Variants in USP16 observed in about 807,000 individuals in gnomAD.
The protein encoded by USP16 is ubiquitin carboxyl-terminal hydrolase 16.
A neutral mutation model predicts 95.9 loss-of-function variants in USP16; 77 were observed. The observed-to-expected ratio is 0.80, with a 90% CI of 0.67 to 0.97. The LOEUF is 0.97. Ranked by LOEUF, USP16 falls within the 50% of genes least tolerant of loss-of-function variation. The probability of loss-of-function intolerance (pLI) is 0.00; values close to 1 mark genes in which losing one functional copy is unlikely to be tolerated. For missense variants in USP16, 943 were observed against 959.9 expected (o/e 0.98, Z 0.23); for synonymous variants, 303 against 318.2 (o/e 0.95, Z 0.51).
At chr21:29,048,284 C>T (rs543369683) in intron 14 of USP16, among the ~76,000 whole-genome samples, 2 of 151,962 alleles carry the variant, frequency 1.3e-5, no homozygotes, top group South Asian at 4.2e-4. Context: ...GGTTTCGCCA[C>T]GTTGGCCAGG....
intron 3 of USP16, 132 bp from the exon 4 acceptor site, chr21:29,034,705 C>CT: frequency 1.3e-6 from 1 of 787,396 alleles, no homozygotes. Flanking sequence ...ATTCTAGAGT[C>CT]TAACATTTTC....
Position 29,047,018 on chromosome 21 carries a change from G to A in USP16, c.1708G>A (p.Val570Met), listed in dbSNP as rs1406113453. The change falls in exon 14 of 18, where the codon GTG becomes ATG. Residue 570 changes from valine to methionine, a missense_variant. Val to Met is a conservative substitution (Grantham distance 21, BLOSUM62 1). Transcript: ENST00000399976. ...CCTAACGGAAGGGAGCAATGGAGAA[G>A]TGGACATTTCCAATGGTTTCAAAAA... The part of the protein sequence containing the change: ...AYLTEGSNGE[V>M]DISNGFKNLN... 1 of 1,614,116 alleles carries A rather than the reference G, an allele frequency of 6.2e-7. No individual in the cohort carries two copies. Among genetic ancestry groups the A allele is most frequent in the East Asian group, 2.2e-5 (1 of 44,874 alleles).
rs773496827 is a variant in USP16 at position 29,040,602 on chromosome 21, C to G, written c.952-7C>G. On this transcript the variant is annotated splice_region_variant and splice_polypyrimidine_tract_variant and intron_variant, in intron 9 of 17. Coordinates refer to ENST00000399976, the MANE Select transcript of USP16 (RefSeq NM_006447.3). Reference sequence around the variant, plus strand: ...TAGTATATATATATCCATTTTATTACTTTTAGAGAGTGAGTAAAGGAATAC... The same window carrying G: ...TAGTATATATATATCCATTTTATTAGTTTTAGAGAGTGAGTAAAGGAATAC... 2 of 1,416,558 alleles carry G rather than the reference C, an allele frequency of 1.4e-6. No individual in the cohort carries two copies. Among genetic ancestry groups the G allele is most frequent in the Non-Finnish European group, 1.9e-6 (2 of 1,029,830 alleles). 87.7% of individuals were successfully genotyped at this position (1,416,558 alleles called of 1,614,324 possible).
chr21:29,053,708 T>C (rs2085451121), intron 16 of USP16, 94 bp from the exon 17 acceptor site: 2 of 1,310,858 alleles, frequency 1.5e-6, no homozygotes, highest in African/African-American at 1.5e-5. Context: ...AAAGTAATGG[T>C]TAAAGACCCT....
At chr21:29,049,010 G>GGC (rs1452492250) in intron 15 of USP16, among the ~76,000 whole-genome samples, 155 bp downstream of exon 15, 5 of 152,058 alleles carry the variant, frequency 3.3e-5, no homozygotes, top group Non-Finnish European at 7.4e-5. Context: ...AAAACATAGG[G>GGC]GCTAGGCAGA....
At chr21:29,030,553 T>G (rs775138607) in intron 2 of USP16, 42 bp from the exon 3 acceptor site, 1 of 1,459,840 alleles carries the variant, frequency 6.9e-7, no homozygotes, top group Non-Finnish European at 9.1e-7. Flanking sequence ...AGAAAGTCAT[T>G]TTTGACCTTA....
Position 29,047,285 on chromosome 21 carries a change from C to G in USP16, c.1975C>G (p.Arg659Gly). 1 of 1,613,576 alleles carries G rather than the reference C, an allele frequency of 6.2e-7. No homozygotes were observed. Residue 659 changes from arginine to glycine, a missense_variant, in exon 14 of 18, where the codon CGG (arginine) becomes GGG (glycine). By Grantham distance (125) the Arg-to-Gly change is moderately radical. Coordinates refer to ENST00000399976, the MANE Select transcript of USP16 (RefSeq NM_006447.3). Reference protein sequence around the residue: ...ANKLLCEVCTRRQCNGPKANI... With the variant: ...ANKLLCEVCTGRQCNGPKANI... ...TAAACTGCTTTGTGAAGTATGCACACGGAGACAGTGTAATGGACCAAAGGC... is the reference window on the plus strand; with the variant it reads ...TAAACTGCTTTGTGAAGTATGCACAGGGAGACAGTGTAATGGACCAAAGGC...
Position 29,034,954 on chromosome 21 carries a change from C to T in USP16, c.344+14C>T. The T allele has an allele frequency of 3.1e-6, 5 of 1,597,878 alleles. No individual in the cohort carries two copies. The highest frequency in any genetic ancestry group is 4.3e-6 in the Non-Finnish European group (5 of 1,166,562). ...CTGGAGTGTATGGTGAGTTTCAGTT[C>T]CTCTGCCTCTTGGGTGGAAATTATT... is the stretch of plus-strand genomic sequence containing the variant. On this transcript the variant is annotated intron_variant, in intron 4 of 17. Coordinates refer to ENST00000399976, the MANE Select transcript of USP16 (RefSeq NM_006447.3).
intron 3 of USP16, 134 bp from the exon 4 acceptor site, chr21:29,034,703 G>A: frequency 1.3e-6 from 1 of 770,052 alleles, no homozygotes. Context: ...TGATTCTAGA[G>A]TCTAACATTT....
intron 6 of USP16, among the ~76,000 whole-genome samples, chr21:29,037,707 T>C (rs1286984003): frequency 6.8e-6 from 1 of 147,738 alleles, no homozygotes; most frequent in African/African-American, 2.5e-5. Context: ...TACCTTAGCC[T>C]CCAGAGTAGC....
At chr21:29,047,399 T>C (rs1287681398) in intron 14 of USP16, 78 bp downstream of exon 14, 1 of 1,432,484 alleles carries the variant, frequency 7.0e-7, no homozygotes, top group African/African-American at 1.4e-5. Flanking sequence ...GTACTCCTAA[T>C]TGTATCAGGA....
At chr21:29,038,301 A>G in intron 6 of USP16, 34 bp from the exon 7 acceptor site, 1 of 1,477,446 alleles carries the variant, frequency 6.8e-7, no homozygotes, top group Non-Finnish European at 9.4e-7. Flanking sequence ...GCCTTTAAAT[A>G]ATTTTTCTCT....
rs1230664153 is a variant in USP16 at position 29,038,794 on chromosome 21, A to G, written c.733-232A>G. On this transcript the variant is annotated intron_variant, in intron 7 of 17. Transcript: ENST00000399976. ...TTTACATTTTGCTTTGGCTCTTTCA[A>G]TTCTTAGGTAGTAAGTGTTCCAGAT... Among the ~76,000 whole-genome samples the G allele has an allele frequency of 2.6e-5, 4 of 152,208 alleles. No homozygotes were observed. The East Asian group carries it at 5.8e-4, about 22-fold the overall frequency.
At chr21:29,031,360 T>G (rs947664123) in intron 3 of USP16, among the ~76,000 whole-genome samples, 1 of 152,196 alleles carries the variant, frequency 6.6e-6, no homozygotes, top group Non-Finnish European at 1.5e-5. Flanking sequence ...TGGTGGCAAG[T>G]TAAGCTTATA....
chr21:29,028,061 TTGTTA>T, intron 2 of USP16, 87 bp downstream of exon 2: 1 of 976,652 alleles, frequency 1.0e-6, no homozygotes. Context: ...CTGCATATTA[TTGTTA>T]TATTATCTGC....
chr21:29,042,694 A>G, intron 12 of USP16, 166 bp downstream of exon 12: 1 of 545,290 alleles, frequency 1.8e-6, no homozygotes, highest in Non-Finnish European at 3.1e-6. Context: ...GAACAGGGTA[A>G]CTACTTTAAA....
intron 2 of USP16, 45 bp from the exon 3 acceptor site, chr21:29,030,550 C>T (rs1040821427): frequency 1.4e-6 from 2 of 1,438,396 alleles, no homozygotes; most frequent in Non-Finnish European, 1.8e-6. Flanking sequence ...TGAAGAAAGT[C>T]ATTTTTGACC....
intron 13 of USP16, among the ~76,000 whole-genome samples, chr21:29,043,862 G>A (rs747680410): frequency 3.3e-5 from 5 of 151,632 alleles, no homozygotes; most frequent in East Asian, 1.9e-4. Context: ...CTTAATTTTC[G>A]AGTTAATATT....
intron 15 of USP16, among the ~76,000 whole-genome samples, chr21:29,049,552 C>T (rs1201650604): frequency 6.6e-6 from 1 of 152,134 alleles, no homozygotes; most frequent in African/African-American, 2.4e-5. Flanking sequence ...AGAATTTTCT[C>T]ACGAGAAAAG....
Sources: allele counts gnomAD v4.1 joint callset (sites outside exome capture counted in the v4.1 genomes callset), GRCh38; gene constraint gnomAD v4.1.1; transcripts MANE v1.5; gene names NCBI Gene and HGNC (gene_info 2026-07-23, HGNC 2026-07-21).